TNIK: variants seen among roughly 807,000 people sequenced by gnomAD.
TNIK encodes TRAF2 and NCK interacting kinase, also known as TRAF2 and NCK-interacting protein kinase.
TNIK carries 49 observed loss-of-function variants against 191.3 expected under a neutral mutation model. The ratio of observed to expected loss-of-function variants is 0.26; its 90% CI spans 0.20 to 0.32. The LOEUF (loss-of-function observed/expected upper bound fraction) is 0.32, where lower values mean the gene tolerates loss of function less well. Ranked by LOEUF, TNIK falls within the 10% of genes least tolerant of loss-of-function variation. The pLI is 1.00. For synonymous variants in TNIK, 594 were observed against 600.9 expected (o/e 0.99, Z 0.17); for missense variants, 1,155 against 1,702.3 (o/e 0.68, Z 5.66).
chr3:171,371,026 C>T (rs1409168803), intron 1 of TNIK, among the ~76,000 whole-genome samples: 1 of 151,964 alleles, frequency 6.6e-6, no homozygotes, highest in Non-Finnish European at 1.5e-5. Context: ...TGTGCCTTGA[C>T]CAGCTGTGTG....
At position 171,059,650 on chromosome 3, in the gene TNIK, T is replaced by A. The variant is rs1717654545; in HGVS notation, c.*4231A>T. On this transcript the variant is annotated 3_prime_UTR_variant, in exon 33 of 33. Coordinates refer to ENST00000436636, the MANE Select transcript of TNIK (RefSeq NM_015028.4). The stretch of plus-strand genomic sequence containing the variant: ...ATTTAAGATCCATGAAAGGACAGCT[T>A]ACTTTAGGGTTCCTGATATATAGTG... Among the ~76,000 whole-genome samples, 1 of 152,176 alleles carries A rather than the reference T, an allele frequency of 6.6e-6. No homozygotes were observed. Among genetic ancestry groups the A allele is most frequent in the South Asian group, 2.1e-4 (1 of 4,836 alleles).
At chr3:171,345,526 T>C (rs1008872617) in intron 2 of TNIK, among the ~76,000 whole-genome samples, 1 of 152,010 alleles carries the variant, frequency 6.6e-6, no homozygotes, top group Non-Finnish European at 1.5e-5. Context: ...AGCAGAAGTA[T>C]CTATGGTTAT....
At chr3:171,404,101 A>G (rs1721345866) in intron 1 of TNIK, among the ~76,000 whole-genome samples, 1 of 152,246 alleles carries the variant, frequency 6.6e-6, no homozygotes, top group Admixed American at 6.5e-5. Flanking sequence ...AGTACTGGCT[A>G]TGTACCTACA....
intron 2 of TNIK, among the ~76,000 whole-genome samples, chr3:171,302,775 G>T (rs1753022812): frequency 6.6e-6 from 1 of 152,128 alleles, no homozygotes; most frequent in African/African-American, 2.4e-5. Flanking sequence ...AGAACTCAAG[G>T]TCTAACCTTC....
chr3:171,067,308 C>T (rs965825910), intron 30 of TNIK, among the ~76,000 whole-genome samples: 1 of 151,844 alleles, frequency 6.6e-6, no homozygotes, highest in Non-Finnish European at 1.5e-5. Context: ...ATTGTTTATC[C>T]GGGTGTCTAA....
chr3:171,123,873 C>A (rs1728114423), intron 17 of TNIK, among the ~76,000 whole-genome samples, 171 bp from the exon 18 acceptor site: 2 of 152,134 alleles, frequency 1.3e-5, no homozygotes, highest in Admixed American at 1.3e-4. Context: ...TAAACAAAAT[C>A]AAACAAAGGT....
chr3:171,177,443 T>C, intron 7 of TNIK, 63 bp from the exon 8 acceptor site: 1 of 1,542,916 alleles, frequency 6.5e-7, no homozygotes, highest in Non-Finnish European at 8.8e-7. Context: ...TGGTTAAACC[T>C]GGTAATTGCT....
In TNIK at chr3:171,225,758, T is replaced by C. The variant is rs1264371346; in HGVS notation, c.180+2407A>G. On this transcript the variant is annotated intron_variant, in intron 3 of 32. Transcript: ENST00000436636. ...GTTCTACTTGTGAGGCTTTAAATTG[T>C]TCAGAGTCATACTTTGAACATCAAC... The C allele has an allele frequency of 2.3e-5, 9 of 384,606 alleles. 1 individual carries two copies. The highest frequency in any genetic ancestry group is 1.6e-4 in the South Asian group (8 of 50,370). The allele number at this position is 384,606 out of a possible 1,614,324, so 23.8% of individuals were successfully genotyped here. A position where few individuals can be genotyped will look rare whatever the true frequency, so the allele number is the denominator to read the frequency against.
intron 1 of TNIK, among the ~76,000 whole-genome samples, chr3:171,372,582 C>T (rs1232568848): frequency 6.6e-6 from 1 of 152,216 alleles, no homozygotes; most frequent in East Asian, 1.9e-4. Context: ...ATTATCCTAC[C>T]TGGAAGCATC....
At chr3:171,352,939 T>C (rs1043586706) in intron 2 of TNIK, among the ~76,000 whole-genome samples, 1 of 152,218 alleles carries the variant, frequency 6.6e-6, no homozygotes, top group African/African-American at 2.4e-5. Flanking sequence ...CCTTCTAGAA[T>C]AGCAACATAT....
At chr3:171,238,334 A>T (rs1486325146) in intron 2 of TNIK, among the ~76,000 whole-genome samples, 1 of 152,022 alleles carries the variant, frequency 6.6e-6, no homozygotes, top group African/African-American at 2.4e-5. Flanking sequence ...AAAATTAAAA[A>T]TGATAATATT....
chr3:171,440,378 C>T (rs1009605743), intron 1 of TNIK, among the ~76,000 whole-genome samples: 1 of 152,140 alleles, frequency 6.6e-6, no homozygotes, highest in South Asian at 2.1e-4. Context: ...CAACCCATTA[C>T]AATTTGAAAA....
At chr3:171,145,556 G>C (rs1448364105) in intron 12 of TNIK, among the ~76,000 whole-genome samples, 1 of 152,092 alleles carries the variant, frequency 6.6e-6, no homozygotes, top group Non-Finnish European at 1.5e-5. Context: ...ATGTGAATTT[G>C]TTAGTTAATT....
intron 2 of TNIK, among the ~76,000 whole-genome samples, chr3:171,271,984 G>C (rs1335404555): frequency 1.3e-5 from 2 of 152,198 alleles, no homozygotes; most frequent in African/African-American, 4.8e-5. Context: ...CAAAACATTT[G>C]TTAAACTTAA....
chr3:171,101,303 TG>T (rs1723516943), intron 22 of TNIK, 145 bp downstream of exon 22: 6 of 820,652 alleles, frequency 7.3e-6, no homozygotes, highest in Admixed American at 2.7e-5. Flanking sequence ...TATAGAACTA[TG>T]CTCCAACAAA....
intron 8 of TNIK, 110 bp downstream of exon 8, chr3:171,177,216 A>C: frequency 9.0e-7 from 1 of 1,114,850 alleles, no homozygotes; most frequent in African/African-American, 1.6e-5. Context: ...GCTTGAATCC[A>C]TGCAGGGCTC....
intron 1 of TNIK, among the ~76,000 whole-genome samples, chr3:171,370,941 T>C (rs545650025): frequency 4.6e-5 from 7 of 152,258 alleles, no homozygotes; most frequent in East Asian, 1.9e-4. Context: ...CATATATTAT[T>C]ACAATGGGTG....
intron 19 of TNIK, among the ~76,000 whole-genome samples, chr3:171,110,187 G>A (rs1276754246): frequency 1.3e-5 from 2 of 152,190 alleles, no homozygotes; most frequent in Non-Finnish European, 2.9e-5. Flanking sequence ...GATTACAGGC[G>A]TGAGCCACCA....
chr3:171,346,319 T>A (rs1712180934), intron 2 of TNIK, among the ~76,000 whole-genome samples: 1 of 152,212 alleles, frequency 6.6e-6, no homozygotes, highest in African/African-American at 2.4e-5. Context: ...TGAAGCTGTA[T>A]TATGTAACCT....
Sources: allele counts gnomAD v4.1 joint callset (sites outside exome capture counted in the v4.1 genomes callset), GRCh38; gene constraint gnomAD v4.1.1; transcripts MANE v1.5; gene names NCBI Gene and HGNC (gene_info 2026-07-23, HGNC 2026-07-21).